RNF130: variants seen among roughly 807,000 people sequenced by gnomAD.
RNF130 encodes ring finger protein 130.
In RNF130, 21 loss-of-function variants were observed where a neutral mutation model predicts 44.6. That is an observed-to-expected ratio of 0.47 (90% CI 0.33 to 0.68). The LOEUF (loss-of-function observed/expected upper bound fraction) is 0.68. Among genes scored for constraint, RNF130 ranks in the 30% least tolerant of loss-of-function variants. The pLI is 0.02. For missense variants in RNF130, 479 were observed against 560.6 expected, an observed-to-expected ratio of 0.85 and a Z score of 1.47; for synonymous variants, 214 against 210.4, an observed-to-expected ratio of 1.02 and a Z score of -0.15.
At position 179,963,526 on chromosome 5, in the gene RNF130, C is replaced by A; in HGVS notation, c.1189G>T (p.Ala397Ser). Residue 397 changes from alanine to serine, a missense_variant, in exon 8 of 9, where the codon GCC (alanine) becomes TCC (serine). Physicochemically the swap from Ala to Ser is moderately conservative, Grantham distance 99. Transcript: ENST00000521389. ...FIIASFGLLSALTLCYMIIRA... is the reference protein window; with the variant it reads ...FIIASFGLLSSLTLCYMIIRA... ...ATGATCATGTAGCAGAGTGTGAGGGCACTGAGGAGGCCAAAACTGGCAATA... is the reference window on the plus strand; with the variant it reads ...ATGATCATGTAGCAGAGTGTGAGGGAACTGAGGAGGCCAAAACTGGCAATA... 6.2e-7 allele frequency: 1 copy of A among 1,614,024 alleles called. No individual in the cohort carries two copies.
chr5:180,064,230 T>C (rs1210389090), intron 1 of RNF130, among the ~76,000 whole-genome samples: 1 of 152,200 alleles, frequency 6.6e-6, no homozygotes, highest in Non-Finnish European at 1.5e-5. Flanking sequence ...CCACAGCATG[T>C]CACTGGAGTT....
Position 179,915,334 on chromosome 5 carries a change from AAAAC to A in RNF130, c.*4979_*4982del, listed in dbSNP as rs567994937. 2.2e-3 allele frequency: 332 copies of A among 152,500 alleles called. 3 individuals carry two copies. The highest frequency in any genetic ancestry group is 7.4e-3 in the African/African-American group (309 of 41,528). The allele number at this position is 152,500 out of a possible 1,614,324, so 9.4% of individuals were successfully genotyped here. ...ACAGAGTGACACCCTGTCTCGAAAT[AAAAC>A]AAACAAACAAACAAAAAACCCACAG... On this transcript the variant is annotated 3_prime_UTR_variant, in exon 8 of 8. Transcript: ENST00000522208.
intron 7 of RNF130, among the ~76,000 whole-genome samples, chr5:179,935,284 ATAAGTC>A (rs1761873337): frequency 6.6e-6 from 1 of 152,216 alleles, no homozygotes; most frequent in African/African-American, 2.4e-5. Context: ...CATCCAGCAT[ATAAGTC>A]TATCTTAGTA....
chr5:180,068,726 G>C (rs1582238257), intron 1 of RNF130, among the ~76,000 whole-genome samples: 3 of 152,178 alleles, frequency 2.0e-5, no homozygotes, highest in Non-Finnish European at 4.4e-5. Context: ...GAGCCATCAG[G>C]TTCAACTCTA....
intron 1 of RNF130, among the ~76,000 whole-genome samples, chr5:180,041,911 C>CA (rs1764429551): frequency 6.6e-6 from 1 of 152,106 alleles, no homozygotes; most frequent in Non-Finnish European, 1.5e-5. Context: ...ACAAAAAATA[C>CA]AAAAAAATTA....
At chr5:179,929,142 A>G (rs1221803310) in intron 7 of RNF130, among the ~76,000 whole-genome samples, 1 of 152,166 alleles carries the variant, frequency 6.6e-6, no homozygotes, top group Non-Finnish European at 1.5e-5. Context: ...ATTTTTCAGT[A>G]TAGTGTGAAG....
At chr5:179,970,267 G>A in intron 6 of RNF130, 143 bp downstream of exon 6, 1 of 570,458 alleles carries the variant, frequency 1.8e-6, no homozygotes, top group Non-Finnish European at 3.0e-6. Flanking sequence ...GTCCTGTTGG[G>A]CTTACATGGT....
At chr5:179,914,460 A>T (rs1042658506) in exon 8 of RNF130, 1 of 152,222 alleles carries the variant, frequency 6.6e-6, no homozygotes, top group Non-Finnish European at 1.5e-5. Context: ...TTCTGTCCAC[A>T]CTTTAAATGT....
intron 1 of RNF130, among the ~76,000 whole-genome samples, chr5:180,062,349 T>G (rs1765006801): frequency 1.3e-5 from 2 of 152,098 alleles, no homozygotes; most frequent in South Asian, 4.1e-4. Flanking sequence ...TGTGAGCCAC[T>G]GAGCCCGGTC....
intron 3 of RNF130, among the ~76,000 whole-genome samples, chr5:179,994,141 GT>G (rs1415276750): frequency 6.6e-6 from 1 of 152,206 alleles, no homozygotes; most frequent in Non-Finnish European, 1.5e-5. Context: ...TTGTAGTATA[GT>G]TTGAAGTCAG....
intron 1 of RNF130, among the ~76,000 whole-genome samples, chr5:180,059,890 T>A (rs528870943): frequency 1.3e-5 from 2 of 152,166 alleles, no homozygotes; most frequent in South Asian, 4.2e-4. Flanking sequence ...AGTGAATACA[T>A]CAGGTTACAG....
chr5:180,036,778 T>C (rs922322068), intron 2 of RNF130, among the ~76,000 whole-genome samples: 10 of 152,354 alleles, frequency 6.6e-5, no homozygotes, highest in African/African-American at 2.4e-4. Flanking sequence ...CTAATGATTA[T>C]TTTGAAATAC....
intron 1 of RNF130, among the ~76,000 whole-genome samples, chr5:180,060,611 C>CAGGGATTCTTAACTT (rs1764954737): frequency 6.6e-6 from 1 of 152,168 alleles, no homozygotes; most frequent in African/African-American, 2.4e-5. Context: ...TAACTTAGCG[C>CAGGGATTCTTAACTT]AGGGATTCTT....
chr5:179,951,393 T>TG (rs1401865265), downstream of RNF130, among the ~76,000 whole-genome samples: 2 of 151,776 alleles, frequency 1.3e-5, no homozygotes, highest in East Asian at 1.9e-4. Flanking sequence ...GTTTTTGTTT[T>TG]TTTTTTTTGA....
At chr5:180,054,198 A>G (rs1002104357) in intron 1 of RNF130, among the ~76,000 whole-genome samples, 2 of 152,174 alleles carry the variant, frequency 1.3e-5, no homozygotes, top group Admixed American at 1.3e-4. Flanking sequence ...TTATGCATTC[A>G]TGCTGGTTTC....
chr5:179,973,371 C>T (rs1328679119), intron 5 of RNF130, among the ~76,000 whole-genome samples: 2 of 152,226 alleles, frequency 1.3e-5, no homozygotes, highest in African/African-American at 4.8e-5. Context: ...CTGCTAGTCT[C>T]TTCAGTGCAA....
intron 7 of RNF130, among the ~76,000 whole-genome samples, chr5:179,948,890 T>C (rs1225025586): frequency 6.6e-6 from 1 of 152,172 alleles, no homozygotes; most frequent in Non-Finnish European, 1.5e-5. Flanking sequence ...GGCACTTGCT[T>C]TCCCGTGGAG....
intron 5 of RNF130, among the ~76,000 whole-genome samples, chr5:179,975,377 T>C (rs1268615399): frequency 6.6e-6 from 1 of 152,114 alleles, no homozygotes; most frequent in African/African-American, 2.4e-5. Flanking sequence ...TACTGACACC[T>C]AGTGGGTAGA....
intron 2 of RNF130, among the ~76,000 whole-genome samples, chr5:180,032,744 C>T (rs978719206): frequency 9.2e-5 from 14 of 152,278 alleles, no homozygotes; most frequent in African/African-American, 2.9e-4. Flanking sequence ...AGTTGTGAAA[C>T]GGAGTGTGTA....
Sources: gnomAD v4.1 joint callset for allele counts (sites outside exome capture counted in the v4.1 genomes callset) on GRCh38, gnomAD v4.1.1 for gene constraint, MANE v1.5 for transcripts, NCBI Gene and HGNC (gene_info 2026-07-23, HGNC 2026-07-21) for gene names.